LRP1B: variants seen among roughly 807,000 people sequenced by gnomAD.
LRP1B encodes the protein LDL receptor related protein 1B.
LRP1B carries 217 observed loss-of-function variants against 556.6 expected under a neutral mutation model. The observed-to-expected ratio is 0.39, with a 90% CI of 0.35 to 0.44. LRP1B has a LOEUF of 0.44. LRP1B is among the 20% of genes least tolerant of loss of function. The probability of loss-of-function intolerance (pLI) is 1.00; values close to 1 mark genes in which losing one functional copy is unlikely to be tolerated. For synonymous variants in LRP1B, 2,047 were observed against 1,865.8 expected (o/e 1.10, Z -2.50); for missense variants, 5,053 against 5,620.8 (o/e 0.90, Z 3.23).
rs1682526631 is a variant in LRP1B at position 141,472,794 on chromosome 2, AG to A, written c.343+7601del. Among the ~76,000 whole-genome samples the A allele has an allele frequency of 2.6e-5, 3 of 115,098 alleles. No homozygotes were observed. The South Asian group carries it at 7.1e-4, about 27-fold the overall frequency. 75.5% of individuals were successfully genotyped at this position (115,098 alleles called of 152,430 possible). On this transcript the variant is annotated intron_variant, in intron 3 of 90. Coordinates refer to ENST00000389484, the MANE Select transcript of LRP1B (RefSeq NM_018557.3). ...CTGTGATCATTTCTAAACTACTAGTAGGCAGTTTACACCATTTGTAAAAATT... is the reference window on the plus strand; with the variant it reads ...CTGTGATCATTTCTAAACTACTAGTAGCAGTTTACACCATTTGTAAAAATT...
chr2:141,570,661 T>A (rs904770204), intron 2 of LRP1B, among the ~76,000 whole-genome samples: 1 of 151,018 alleles, frequency 6.6e-6, no homozygotes, highest in African/African-American at 2.4e-5. Flanking sequence ...AGCTCCCCGG[T>A]TGGGGGAAGG....
At chr2:140,913,930 T>C (rs1694498466) in intron 21 of LRP1B, among the ~76,000 whole-genome samples, 1 of 152,018 alleles carries the variant, frequency 6.6e-6, no homozygotes, top group Non-Finnish European at 1.5e-5. Flanking sequence ...ACACAAAAGA[T>C]GAAACTGTTA....
At chr2:141,147,906 G>A (rs1401811260) in intron 7 of LRP1B, among the ~76,000 whole-genome samples, 2 of 151,996 alleles carry the variant, frequency 1.3e-5, no homozygotes, top group Non-Finnish European at 2.9e-5. Context: ...TTCTCGTTGT[G>A]TTATAACTGT....
At chr2:140,756,502 T>C (rs539178750) in intron 35 of LRP1B, among the ~76,000 whole-genome samples, 1 of 152,182 alleles carries the variant, frequency 6.6e-6, no homozygotes, top group South Asian at 2.1e-4. Flanking sequence ...ATCAATGAGA[T>C]AGAATTTAGA....
chr2:140,793,030 T>G (rs542771027), intron 32 of LRP1B, among the ~76,000 whole-genome samples: 1 of 152,142 alleles, frequency 6.6e-6, no homozygotes, highest in African/African-American at 2.4e-5. Flanking sequence ...AACATTAAAA[T>G]GATATTGTAG....
intron 7 of LRP1B, among the ~76,000 whole-genome samples, chr2:141,111,219 G>T: frequency 6.6e-6 from 1 of 151,956 alleles, no homozygotes; most frequent in African/African-American, 2.4e-5. Context: ...TGGAATAAAA[G>T]CATGTAACAA....
chr2:140,279,479 A>C (rs1682824881), intron 84 of LRP1B, among the ~76,000 whole-genome samples: 1 of 151,916 alleles, frequency 6.6e-6, no homozygotes, highest in African/African-American at 2.4e-5. Context: ...CACATCTATA[A>C]TGCACTTAGA....
At chr2:140,390,508 A>T (rs557658771) in intron 66 of LRP1B, among the ~76,000 whole-genome samples, 2 of 152,178 alleles carry the variant, frequency 1.3e-5, no homozygotes, top group Non-Finnish European at 2.9e-5. Context: ...TACTCTTATA[A>T]TGTTGGAAAA....
chr2:140,752,687 T>G (rs1688623201), intron 35 of LRP1B, among the ~76,000 whole-genome samples: 2 of 152,254 alleles, frequency 1.3e-5, no homozygotes, highest in African/African-American at 4.8e-5. Flanking sequence ...AATTGTATGT[T>G]GTAAAAATAT....
chr2:140,874,973 G>A (rs925927771), intron 25 of LRP1B, among the ~76,000 whole-genome samples: 11 of 151,528 alleles, frequency 7.3e-5, no homozygotes, highest in East Asian at 5.8e-4. Flanking sequence ...AGCTGAGATC[G>A]TGCCATTGCC....
At chr2:141,387,919 C>T (rs1251179184) in intron 3 of LRP1B, among the ~76,000 whole-genome samples, 1 of 151,916 alleles carries the variant, frequency 6.6e-6, no homozygotes, top group African/African-American at 2.4e-5. Context: ...AACAGAAAAA[C>T]AAAAACAAAA....
At chr2:141,069,571 C>G (rs369708106) in intron 7 of LRP1B, among the ~76,000 whole-genome samples, 1 of 152,038 alleles carries the variant, frequency 6.6e-6, no homozygotes, top group South Asian at 2.1e-4. Flanking sequence ...CCTTACTCCA[C>G]GTCCCTATTC....
At chr2:141,964,359 A>G (rs1046105298) in intron 1 of LRP1B, among the ~76,000 whole-genome samples, 84 of 148,018 alleles carry the variant, frequency 5.7e-4, no homozygotes, top group Non-Finnish European at 9.2e-4. Context: ...ACAAGGCTAC[A>G]GTAACCAAAA....
intron 1 of LRP1B, among the ~76,000 whole-genome samples, chr2:141,862,043 T>G (rs529418907): frequency 3.4e-4 from 52 of 152,324 alleles, no homozygotes; most frequent in African/African-American, 1.1e-3. Context: ...AAAATTCCTA[T>G]TTTGATAGCT....
chr2:140,838,125 A>G (rs1691977123), intron 31 of LRP1B, among the ~76,000 whole-genome samples: 3 of 152,168 alleles, frequency 2.0e-5, no homozygotes, highest in Admixed American at 2.0e-4. Context: ...GGTTTTCACC[A>G]TTATGGAAAT....
chr2:141,292,605 CTAATA>C (rs1285129116), intron 3 of LRP1B, among the ~76,000 whole-genome samples: 2 of 152,100 alleles, frequency 1.3e-5, no homozygotes, highest in Non-Finnish European at 2.9e-5. Context: ...GTAGGTACCT[CTAATA>C]TGATATGGGA....
chr2:140,516,859 A>G (rs2104938526), intron 50 of LRP1B, 30 bp downstream of exon 50: 1 of 1,610,086 alleles, frequency 6.2e-7, no homozygotes, highest in South Asian at 1.1e-5. Flanking sequence ...AGTAAGGTTA[A>G]CAAAAACTAA....
At chr2:140,725,149 T>A (rs1451370695) in intron 35 of LRP1B, among the ~76,000 whole-genome samples, 2 of 152,182 alleles carry the variant, frequency 1.3e-5, no homozygotes, top group South Asian at 4.1e-4. Context: ...TTGAGAAATA[T>A]AACAGTTAAC....
At chr2:141,360,124 A>G (rs1318612413) in intron 3 of LRP1B, among the ~76,000 whole-genome samples, 2 of 152,262 alleles carry the variant, frequency 1.3e-5, no homozygotes, top group South Asian at 2.1e-4. Flanking sequence ...AAGGACTTCC[A>G]GTGAAGACCT....
Sources: gnomAD v4.1 joint callset for allele counts (sites outside exome capture counted in the v4.1 genomes callset) on GRCh38, gnomAD v4.1.1 for gene constraint, MANE v1.5 for transcripts, NCBI Gene and HGNC (gene_info 2026-07-23, HGNC 2026-07-21) for gene names.